The following FSHR variants were observed in gnomAD, a reference collection of about 807,000 sequenced individuals.
The protein encoded by FSHR is follicle-stimulating hormone receptor.
FSHR carries 46 observed loss-of-function variants against 52.1 expected under a neutral mutation model. The ratio of observed to expected loss-of-function variants is 0.88; its 90% CI spans 0.70 to 1.13. The LOEUF is 1.13. Ranked by LOEUF, FSHR falls within the 50% of genes most tolerant of loss-of-function variation. The pLI is 0.00. For missense variants in FSHR, 964 were observed against 834.6 expected, an observed-to-expected ratio of 1.16 and a Z score of -1.91; for synonymous variants, 399 against 309.6, an observed-to-expected ratio of 1.29 and a Z score of -3.03.
chr2:49,086,924 G>A (rs1001784008), intron 1 of FSHR, among the ~76,000 whole-genome samples: 8 of 152,246 alleles, frequency 5.3e-5, no homozygotes, highest in African/African-American at 7.2e-5. Context: ...GTGAGGCAGC[G>A]TGCCTGGCCC....
Position 49,043,911 on chromosome 2 carries a change from C to A in FSHR, c.225-23751G>T, listed in dbSNP as rs531259522. Among the ~76,000 whole-genome samples, 3 of 152,246 alleles carry A rather than the reference C, an allele frequency of 2.0e-5. No homozygotes were observed. In the South Asian group the frequency reaches 6.2e-4, roughly 32 times the overall value. On this transcript the variant is annotated intron_variant, in intron 2 of 9. Transcript: ENST00000406846. ...CCTCTCTTCTTTGATAATGGAAATC[C>A]TACTGTCTCCATAAAACCTTCTCTT... is the stretch of plus-strand genomic sequence containing the variant.
At chr2:49,091,281 T>A (rs1558436275) in intron 1 of FSHR, among the ~76,000 whole-genome samples, 1 of 152,154 alleles carries the variant, frequency 6.6e-6, no homozygotes, top group African/African-American at 2.4e-5. Context: ...GGAGAATTTT[T>A]GTGTACGGTA....
At chr2:49,086,186 G>C (rs1670384928) in intron 1 of FSHR, among the ~76,000 whole-genome samples, 2 of 152,078 alleles carry the variant, frequency 1.3e-5, no homozygotes, top group South Asian at 4.1e-4. Context: ...CAAATGATTG[G>C]CCCATGAATG....
intron 1 of FSHR, among the ~76,000 whole-genome samples, chr2:49,082,458 C>T (rs1022136488): frequency 6.6e-6 from 1 of 152,188 alleles, no homozygotes; most frequent in Non-Finnish European, 1.5e-5. Flanking sequence ...TCCAAAGGAA[C>T]GCAGTTCCTC....
At chr2:49,110,654 G>T (rs1050828446) in intron 1 of FSHR, among the ~76,000 whole-genome samples, 1 of 152,044 alleles carries the variant, frequency 6.6e-6, no homozygotes, top group Non-Finnish European at 1.5e-5. Flanking sequence ...GCAAAAAGTA[G>T]GTGCCTTATA....
chr2:49,100,640 G>A (rs1414358593), intron 1 of FSHR, among the ~76,000 whole-genome samples: 1 of 152,196 alleles, frequency 6.6e-6, no homozygotes, highest in African/African-American at 2.4e-5. Context: ...AAGTAAAAGT[G>A]GAGCAGAGAG....
intron 5 of FSHR, among the ~76,000 whole-genome samples, chr2:48,989,700 T>C (rs931375499): frequency 3.3e-5 from 5 of 152,194 alleles, no homozygotes; most frequent in African/African-American, 1.2e-4. Context: ...TCTCCTCATG[T>C]CAATCCCCTT....
chr2:49,076,827 T>A (rs190156783), intron 1 of FSHR, among the ~76,000 whole-genome samples: 10 of 152,242 alleles, frequency 6.6e-5, no homozygotes, highest in Admixed American at 5.9e-4. Flanking sequence ...CGATGCAGGG[T>A]TGAAATCCAG....
chr2:49,108,250 A>G (rs532335250), intron 1 of FSHR, among the ~76,000 whole-genome samples: 9 of 152,240 alleles, frequency 5.9e-5, no homozygotes, highest in African/African-American at 2.2e-4. Context: ...TTCAAACTGG[A>G]ACTGCACTAC....
chr2:49,143,387 A>G (rs567610406), intron 1 of FSHR, among the ~76,000 whole-genome samples: 1 of 152,326 alleles, frequency 6.6e-6, no homozygotes, highest in Non-Finnish European at 1.5e-5. Context: ...CATTCCTCTT[A>G]TATTCAGAGT....
At chr2:49,064,062 T>TTGTGTGTGTG (rs61681324) in intron 2 of FSHR, among the ~76,000 whole-genome samples, 8,397 of 148,620 alleles carry the variant, frequency 0.056, 380 homozygotes, top group East Asian at 0.17. Flanking sequence ...CATGAAGAGT[T>TTGTGTGTGTG]TGTGTGTGTG....
At chr2:49,043,866 C>T (rs552165656) in intron 2 of FSHR, among the ~76,000 whole-genome samples, 5 of 152,240 alleles carry the variant, frequency 3.3e-5, no homozygotes, top group South Asian at 2.1e-4. Flanking sequence ...CATTAATATC[C>T]GCCACTCAGA....
chr2:49,151,689 A>C (rs1673068897), intron 1 of FSHR, among the ~76,000 whole-genome samples: 1 of 152,138 alleles, frequency 6.6e-6, no homozygotes, highest in African/African-American at 2.4e-5. Context: ...CCAATAATCC[A>C]TCCACCTACA....
chr2:49,063,733 A>G (rs185081778), intron 2 of FSHR, among the ~76,000 whole-genome samples: 1 of 152,264 alleles, frequency 6.6e-6, no homozygotes, highest in East Asian at 1.9e-4. Context: ...GCAAAATAGG[A>G]GGAATAAGTT....
intron 2 of FSHR, 53 bp from the exon 3 acceptor site, chr2:49,020,213 AT>A: frequency 7.2e-7 from 1 of 1,395,746 alleles, no homozygotes; most frequent in Non-Finnish European, 1.0e-6. Context: ...CTCCTTGAAT[AT>A]TTTTAGGGCT....
At chr2:49,042,500 C>T (rs531591556) in intron 2 of FSHR, among the ~76,000 whole-genome samples, 3 of 152,218 alleles carry the variant, frequency 2.0e-5, no homozygotes, top group Admixed American at 1.3e-4. Context: ...AAATTCACTT[C>T]CCTTAATAAA....
intron 6 of FSHR, among the ~76,000 whole-genome samples, chr2:48,988,071 C>T (rs755515807): frequency 2.6e-5 from 4 of 152,120 alleles, no homozygotes; most frequent in Non-Finnish European, 5.9e-5. Flanking sequence ...AAATACAGTG[C>T]TTAGCTTTAC....
chr2:48,972,511 C>G (rs1209259125), intron 8 of FSHR, among the ~76,000 whole-genome samples: 1 of 152,126 alleles, frequency 6.6e-6, no homozygotes, highest in Non-Finnish European at 1.5e-5. Context: ...CAACTTTTTT[C>G]TTTGCTACAG....
intron 2 of FSHR, among the ~76,000 whole-genome samples, chr2:49,021,886 T>TAAAG (rs1273265515): frequency 4.0e-5 from 1 of 25,124 alleles, no homozygotes; most frequent in African/African-American, 1.5e-4. Context: ...TATATATATA[T>TAAAG]AGAGAGAGAG....
Sources: gnomAD v4.1 joint callset for allele counts (sites outside exome capture counted in the v4.1 genomes callset) on GRCh38, gnomAD v4.1.1 for gene constraint, MANE v1.5 for transcripts, NCBI Gene and HGNC (gene_info 2026-07-23, HGNC 2026-07-21) for gene names.